The following STOX2 variants were observed in gnomAD, a reference collection of about 807,000 sequenced individuals.
The protein encoded by STOX2 is storkhead-box protein 2.
A neutral mutation model predicts 60.9 loss-of-function variants in STOX2; 28 were observed. The observed-to-expected ratio is 0.46, with a 90% CI of 0.34 to 0.63. The LOEUF is 0.63. Ranked by LOEUF, STOX2 falls within the 30% of genes least tolerant of loss-of-function variation. The pLI, the probability that STOX2 is intolerant of heterozygous loss-of-function variation, is 0.01. For missense variants in STOX2, 1,024 were observed against 1,187.7 expected, an observed-to-expected ratio of 0.86 and a Z score of 2.03; for synonymous variants, 472 against 463.9, an observed-to-expected ratio of 1.02 and a Z score of -0.22.
intron 1 of STOX2, among the ~76,000 whole-genome samples, chr4:183,801,812 AAGC>A (rs1019391265): frequency 6.6e-6 from 1 of 152,180 alleles, no homozygotes; most frequent in Non-Finnish European, 1.5e-5. Flanking sequence ...GGAGGCTTCT[AAGC>A]AAGGGTGGGA....
chr4:183,966,221 T>G (rs1743562353), intron 1 of STOX2, among the ~76,000 whole-genome samples: 1 of 152,082 alleles, frequency 6.6e-6, no homozygotes, highest in South Asian at 2.1e-4. Flanking sequence ...GTGGGGCACA[T>G]AGCTGGGGAA....
intron 1 of STOX2, among the ~76,000 whole-genome samples, chr4:183,850,849 G>A (rs1322792113): frequency 6.6e-6 from 1 of 151,464 alleles, no homozygotes; most frequent in Admixed American, 6.6e-5. Context: ...TGAGAGAAAG[G>A]ATGAGGGAAA....
chr4:183,908,588 G>A (rs1741685090), intron 1 of STOX2, among the ~76,000 whole-genome samples: 1 of 110,964 alleles, frequency 9.0e-6, no homozygotes, highest in Non-Finnish European at 1.8e-5. Context: ...TTTCCAGGCA[G>A]CCAGTTTTTT....
At chr4:183,943,268 C>A (rs1742799928) in intron 1 of STOX2, among the ~76,000 whole-genome samples, 1 of 152,100 alleles carries the variant, frequency 6.6e-6, no homozygotes, top group African/African-American at 2.4e-5. Flanking sequence ...TTAACTAAAG[C>A]AGAGAATTAT....
In STOX2 at chr4:184,009,464, C is replaced by T. The variant is rs900550747; in HGVS notation, c.626C>T (p.Thr209Met). The T allele has an allele frequency of 3.7e-6, 6 of 1,613,922 alleles. No homozygotes were observed. The highest frequency in any genetic ancestry group is 1.6e-4 in the Middle Eastern group (1 of 6,084). Reference sequence around the variant, plus strand: ...TGCTGCAGAGAAGACGTGCACAGCACGCATGCACCCACCCTGCAAAGGAAG... The same window carrying T: ...TGCTGCAGAGAAGACGTGCACAGCATGCATGCACCCACCCTGCAAAGGAAG... ...CHCCREDVHS[T>M]HAPTLQRKSA... Residue 209 changes from threonine to methionine, a missense_variant, in exon 3 of 4, where the codon ACG (threonine) becomes ATG (methionine). This residue lies in a region of STOX2 where 922 missense variants were observed against 1,058.3 expected (regional missense o/e 0.87). Transcript: ENST00000308497. The surrounding 1 kb of genome is among the most constrained non-coding windows in gnomAD (Gnocchi z 4.0).
In STOX2 at chr4:184,022,777, AG is replaced by A. The variant is rs1429987045; in HGVS notation, c.*5495del. On this transcript the variant is annotated 3_prime_UTR_variant, in exon 4 of 4. Coordinates refer to ENST00000308497, the MANE Select transcript of STOX2 (RefSeq NM_020225.3). ...CAGCTCCTCCACTTCCTTTCCTCCG[AG>A]GTCCTCCTTTCCATTCTCCCACCTA... 6.6e-6 allele frequency: 1 copy of A among 152,284 alleles called. No individual in the cohort carries two copies. Among genetic ancestry groups the A allele is most frequent in the Non-Finnish European group, 1.5e-5 (1 of 68,214 alleles). The allele number at this position is 152,284 out of a possible 1,614,324, so 9.4% of individuals were successfully genotyped here. A position where few individuals can be genotyped will look rare whatever the true frequency, so the allele number is the denominator to read the frequency against.
chr4:183,819,416 G>A lies in STOX2; in HGVS notation c.364+21361G>A, dbSNP rs184283270. Among the ~76,000 whole-genome samples, 552 of 152,026 alleles carry A rather than the reference G, an allele frequency of 3.6e-3. 3 individuals carry two copies. The highest frequency in any genetic ancestry group is 0.013 in the African/African-American group (534 of 41,464). ...GAAAACCAGTCAGGCATGGCGGCGC[G>A]CGCCCACAATCGCAGGCACTGGGCA... On this transcript the variant is annotated intron_variant, in intron 1 of 2. Coordinates refer to the STOX2 transcript ENST00000513034.
chr4:183,798,133 C>T, intron 1 of STOX2: 7 of 1,199,056 alleles, frequency 5.8e-6, no homozygotes, highest in African/African-American at 1.6e-5. Context: ...GGGTGCCCCG[C>T]CCTGCCCCAG....
intron 1 of STOX2, among the ~76,000 whole-genome samples, chr4:183,925,754 G>A (rs1742224947): frequency 1.3e-5 from 2 of 152,176 alleles, no homozygotes; most frequent in Admixed American, 6.5e-5. Flanking sequence ...AAATTTTATA[G>A]AATGTTTAAT....
Position 183,906,857 on chromosome 4 carries a change from T to G in STOX2, c.67T>G (p.Ser23Ala), listed in dbSNP as rs771180242. Residue 23 changes from serine (S) to alanine (A), a missense_variant, in exon 1 of 4, where the codon TCG becomes GCG. Coordinates refer to ENST00000308497, the MANE Select transcript of STOX2 (RefSeq NM_020225.3). ...TAGCTCGGATTTCTCGGACCGGGCCTCGGACCGCATGAGGTCCCGCAGCGA... is the reference window on the plus strand; with the variant it reads ...TAGCTCGGATTTCTCGGACCGGGCCGCGGACCGCATGAGGTCCCGCAGCGA... ...WPSSDFSDRA[S>A]DRMRSRSEKD... is the part of the protein sequence containing the mutation. 95 of 1,552,608 alleles carry G rather than the reference T, an allele frequency of 6.1e-5. No homozygotes were observed. The highest frequency in any genetic ancestry group is 8.3e-5 in the Non-Finnish European group (95 of 1,147,802).
At chr4:183,813,622 T>C (rs1163588886) in intron 1 of STOX2, among the ~76,000 whole-genome samples, 1 of 152,194 alleles carries the variant, frequency 6.6e-6, no homozygotes, top group South Asian at 2.1e-4. Context: ...CAGGACACTT[T>C]GAATGTGTCT....
chr4:183,910,903 G>A (rs767968736), intron 1 of STOX2, among the ~76,000 whole-genome samples: 1 of 152,130 alleles, frequency 6.6e-6, no homozygotes, highest in Non-Finnish European at 1.5e-5. Flanking sequence ...TCTGGGGCAC[G>A]TTTGACTGTG....
At chr4:183,972,082 C>A (rs1369721130) in intron 1 of STOX2, among the ~76,000 whole-genome samples, 3 of 152,152 alleles carry the variant, frequency 2.0e-5, no homozygotes, top group Non-Finnish European at 4.4e-5. Context: ...AAGAAGCCAC[C>A]GTCCTCATTC....
At chr4:184,002,773 C>T (rs572281251) in intron 2 of STOX2, among the ~76,000 whole-genome samples, 51 of 152,316 alleles carry the variant, frequency 3.3e-4, no homozygotes, top group African/African-American at 1.1e-3. Flanking sequence ...AACGGGAGGA[C>T]GAATTCTAAG....
intron 1 of STOX2, among the ~76,000 whole-genome samples, chr4:183,985,192 G>A (rs955389645): frequency 3.9e-5 from 6 of 152,158 alleles, no homozygotes; most frequent in African/African-American, 7.2e-5. Context: ...TAAGCAGATT[G>A]TGTTCAATCT....
intron 1 of STOX2, among the ~76,000 whole-genome samples, chr4:183,970,479 C>A (rs1743711512): frequency 6.6e-6 from 1 of 152,130 alleles, no homozygotes; most frequent in Non-Finnish European, 1.5e-5. Flanking sequence ...GAGAAGGAGC[C>A]CCTGGGACCC....
At chr4:183,885,503 C>T (rs2111176753) in intron 1 of STOX2, among the ~76,000 whole-genome samples, 1 of 152,280 alleles carries the variant, frequency 6.6e-6, no homozygotes, top group Non-Finnish European at 1.5e-5. Context: ...TGCAGCGAGA[C>T]AAATGAGGCC....
At chr4:183,876,094 T>C (rs1432690211) in intron 1 of STOX2, among the ~76,000 whole-genome samples, 2 of 152,208 alleles carry the variant, frequency 1.3e-5, no homozygotes, top group African/African-American at 4.8e-5. Context: ...ATGTTCACCT[T>C]GATCCCCATG....
Position 183,806,384 on chromosome 4 carries a change from ACCT to A in STOX2, c.364+8333_364+8335del, listed in dbSNP as rs1399192566. Among the ~76,000 whole-genome samples the A allele has an allele frequency of 6.6e-6, 1 of 151,900 alleles. No individual in the cohort carries two copies. The highest frequency in any genetic ancestry group is 1.5e-5 in the Non-Finnish European group (1 of 67,982). On this transcript the variant is annotated intron_variant, in intron 1 of 2. Coordinates refer to the STOX2 transcript ENST00000513034. This position sits in a 1 kb window ranked among gnomAD's most constrained non-coding sequence, Gnocchi z 4.1. ...GGGGATGCATAGTGAGTCCAAAATCACCTCCTTCTCATGAATCCGGGAGTCCCT... is the reference window on the plus strand; with the variant it reads ...GGGGATGCATAGTGAGTCCAAAATCACCTTCTCATGAATCCGGGAGTCCCT...
Sources: gnomAD v4.1 joint callset for allele counts (sites outside exome capture counted in the v4.1 genomes callset) on GRCh38, gnomAD v4.1.1 for gene constraint, gnomAD v4.1.1 regional missense constraint, Gnocchi (gnomAD v3.1) non-coding constraint, MANE v1.5 for transcripts, NCBI Gene and HGNC (gene_info 2026-07-23, HGNC 2026-07-21) for gene names.